The following TMEM163 variants were observed in gnomAD, a reference collection of about 807,000 sequenced individuals.
The protein encoded by TMEM163 is transmembrane protein 163.
Under a neutral mutation model 29.3 loss-of-function variants are expected in TMEM163, and 17 were observed. That is an observed-to-expected ratio of 0.58 (90% CI 0.40 to 0.87). TMEM163 has a LOEUF of 0.87. Among genes scored for constraint, TMEM163 ranks in the 40% least tolerant of loss-of-function variants. TMEM163 has a pLI of 0.00. For synonymous variants in TMEM163, 157 were observed against 160.6 expected (o/e 0.98, Z 0.17); for missense variants, 303 against 381.5 (o/e 0.79, Z 1.71).
intron 1 of TMEM163, among the ~76,000 whole-genome samples, chr2:134,714,959 G>A (rs758738989): frequency 1.6e-4 from 24 of 152,196 alleles, no homozygotes; most frequent in African/African-American, 5.3e-4. Context: ...CAGATTCCAC[G>A]CACCCTTAAT....
intron 2 of TMEM163, among the ~76,000 whole-genome samples, chr2:134,579,899 G>T (rs190173083): frequency 4.5e-4 from 69 of 152,250 alleles, no homozygotes; most frequent in African/African-American, 1.3e-3. Flanking sequence ...GTAATGATTT[G>T]TTCTCTCATA....
intron 2 of TMEM163, among the ~76,000 whole-genome samples, chr2:134,678,776 G>A (rs1460818301): frequency 6.6e-6 from 1 of 152,238 alleles, no homozygotes; most frequent in African/African-American, 2.4e-5. Context: ...ATCAATAAAT[G>A]TCTGCAGAAT....
intron 4 of TMEM163, among the ~76,000 whole-genome samples, chr2:134,505,760 C>T (rs916920873): frequency 5.3e-5 from 8 of 152,282 alleles, no homozygotes; most frequent in South Asian, 2.1e-4. Context: ...CTCCATCACG[C>T]ACAAAAGGCG....
chr2:134,628,786 T>C (rs1458359277), intron 2 of TMEM163, among the ~76,000 whole-genome samples: 1 of 152,252 alleles, frequency 6.6e-6, no homozygotes, highest in African/African-American at 2.4e-5. Flanking sequence ...TATTATTTCA[T>C]TGTAATAAAT....
chr2:134,571,388 C>T lies in TMEM163; in HGVS notation c.323-19297G>A, dbSNP rs1404658960. On this transcript the variant is annotated intron_variant, in intron 2 of 7. Coordinates refer to ENST00000281924, the MANE Select transcript of TMEM163 (RefSeq NM_030923.5). The stretch of plus-strand genomic sequence containing the variant: ...CAGGGGAGCTTCTGCTGGCTCATCC[C>T]CACTTGCCTCTGCCATGACATTTTT... Among the ~76,000 whole-genome samples the T allele has an allele frequency of 2.0e-5, 3 of 152,282 alleles. No homozygotes were observed. In the East Asian group the frequency reaches 5.8e-4, roughly 29 times the overall value.
chr2:134,708,859 T>C (rs1684870754), intron 2 of TMEM163, among the ~76,000 whole-genome samples: 1 of 152,130 alleles, frequency 6.6e-6, no homozygotes, highest in South Asian at 2.1e-4. Flanking sequence ...AGTGCTGGGA[T>C]TACAAGCATG....
At chr2:134,630,831 G>A (rs1682951669) in intron 2 of TMEM163, among the ~76,000 whole-genome samples, 1 of 152,126 alleles carries the variant, frequency 6.6e-6, no homozygotes, top group Admixed American at 6.5e-5. Context: ...TGTAATATCT[G>A]TGTTTTGTAT....
intron 2 of TMEM163, among the ~76,000 whole-genome samples, chr2:134,662,893 C>G (rs1192867726): frequency 6.6e-6 from 1 of 152,186 alleles, no homozygotes; most frequent in Non-Finnish European, 1.5e-5. Flanking sequence ...CTCTGGGAAC[C>G]AAGCACACTC....
intron 4 of TMEM163, among the ~76,000 whole-genome samples, chr2:134,546,389 T>C (rs1425232463): frequency 1.3e-5 from 2 of 152,226 alleles, no homozygotes; most frequent in Admixed American, 1.3e-4. Context: ...ACACCTGTAA[T>C]ACCAGCACTT....
chr2:134,529,707 C>A (rs1221425414), intron 4 of TMEM163, among the ~76,000 whole-genome samples: 2 of 151,858 alleles, frequency 1.3e-5, no homozygotes, highest in Non-Finnish European at 2.9e-5. Context: ...GAGCCAAGAT[C>A]TCCCCGGCGA....
chr2:134,707,398 G>A (rs778887287), intron 2 of TMEM163, among the ~76,000 whole-genome samples: 2 of 152,216 alleles, frequency 1.3e-5, no homozygotes, highest in African/African-American at 2.4e-5. Flanking sequence ...GGCTGCCAGC[G>A]GAAGAGAGAG....
intron 2 of TMEM163, among the ~76,000 whole-genome samples, chr2:134,671,633 T>TG (rs1282597402): frequency 6.6e-6 from 1 of 152,154 alleles, no homozygotes; most frequent in East Asian, 1.9e-4. Flanking sequence ...GGCTATGAAA[T>TG]GCCATTGTTA....
chr2:134,626,494 T>C (rs1682854249), intron 2 of TMEM163, among the ~76,000 whole-genome samples: 1 of 152,188 alleles, frequency 6.6e-6, no homozygotes, highest in African/African-American at 2.4e-5. Context: ...TCACCTCTTC[T>C]GACCTTGACC....
chr2:134,525,740 C>T (rs891192783), intron 4 of TMEM163, among the ~76,000 whole-genome samples: 2 of 152,164 alleles, frequency 1.3e-5, no homozygotes, highest in African/African-American at 4.8e-5. Flanking sequence ...ACTCCCAAGA[C>T]CAAGGTGGGC....
chr2:134,494,896 C>T (rs1030820621), intron 5 of TMEM163, among the ~76,000 whole-genome samples: 2 of 152,202 alleles, frequency 1.3e-5, no homozygotes, highest in African/African-American at 4.8e-5. Flanking sequence ...GGGTGAGGCA[C>T]TTGCTTCAGA....
chr2:134,580,445 G>T (rs752014563), intron 2 of TMEM163, among the ~76,000 whole-genome samples: 5 of 152,230 alleles, frequency 3.3e-5, no homozygotes, highest in Non-Finnish European at 7.3e-5. Flanking sequence ...TTTTGCAAAA[G>T]AAGTGTAAAA....
intron 2 of TMEM163, among the ~76,000 whole-genome samples, chr2:134,624,294 C>T (rs752707463): frequency 6.6e-5 from 10 of 152,152 alleles, no homozygotes; most frequent in Admixed American, 3.9e-4. Context: ...TCATCTTTCA[C>T]GAGATCATGT....
At chr2:134,682,671 G>A (rs777256451) in intron 2 of TMEM163, among the ~76,000 whole-genome samples, 1 of 152,154 alleles carries the variant, frequency 6.6e-6, no homozygotes, top group Non-Finnish European at 1.5e-5. Context: ...GGAGCGACAG[G>A]AACCCTCATT....
intron 2 of TMEM163, among the ~76,000 whole-genome samples, chr2:134,661,876 A>G (rs988667545): frequency 2.0e-5 from 3 of 151,588 alleles, no homozygotes; most frequent in Admixed American, 6.6e-5. Flanking sequence ...AATAAATAAC[A>G]AGATTTGATA....
Sources: gnomAD v4.1 joint callset for allele counts (sites outside exome capture counted in the v4.1 genomes callset) on GRCh38, gnomAD v4.1.1 for gene constraint, MANE v1.5 for transcripts, NCBI Gene and HGNC (gene_info 2026-07-23, HGNC 2026-07-21) for gene names.